The following CFI variants were observed in gnomAD, a reference collection of about 807,000 sequenced individuals.
CFI encodes C3B/C4B inactivator.
In CFI, 66 loss-of-function variants were observed where a neutral mutation model predicts 78.8. The ratio of observed to expected loss-of-function variants is 0.84; its 90% CI spans 0.69 to 1.03. The LOEUF is 1.03. CFI is among the 50% of genes least tolerant of loss of function. The probability of loss-of-function intolerance (pLI) is 0.00; values close to 1 mark genes in which losing one functional copy is unlikely to be tolerated. For missense variants in CFI, 706 were observed against 704.5 expected, an observed-to-expected ratio of 1.00 and a Z score of -0.02; for synonymous variants, 250 against 232.6, an observed-to-expected ratio of 1.07 and a Z score of -0.68.
At chr4:109,800,929 A>T (rs1732706526) in intron 1 of CFI, among the ~76,000 whole-genome samples, 1 of 152,166 alleles carries the variant, frequency 6.6e-6, no homozygotes, top group East Asian at 1.9e-4. Context: ...GCATTTAGTT[A>T]TTTCCATTTA....
At chr4:109,759,660 T>C (rs905015784) in intron 6 of CFI, among the ~76,000 whole-genome samples, 10 of 152,144 alleles carry the variant, frequency 6.6e-5, no homozygotes, top group Admixed American at 6.5e-4. Context: ...CCCAGCACTT[T>C]GGGAGGCCAA....
intron 1 of CFI, among the ~76,000 whole-genome samples, chr4:109,768,642 C>A (rs145350637): frequency 6.6e-6 from 1 of 152,202 alleles, no homozygotes; most frequent in African/African-American, 2.4e-5. Flanking sequence ...CCAATGCTGT[C>A]TCCCTGTCCC....
chr4:109,756,959 A>AAGAG (rs1381498908), intron 7 of CFI, among the ~76,000 whole-genome samples: 2 of 140,146 alleles, frequency 1.4e-5, no homozygotes, highest in Admixed American at 1.4e-4. Context: ...GAAAGAAAGA[A>AAGAG]AGAAAGAAAG....
At chr4:109,748,414 G>C (rs1013976553) in intron 10 of CFI, among the ~76,000 whole-genome samples, 1 of 152,140 alleles carries the variant, frequency 6.6e-6, no homozygotes, top group Non-Finnish European at 1.5e-5. Flanking sequence ...TCATCACACT[G>C]ATGAAAATAA....
In CFI at chr4:109,766,827, G is replaced by A. The variant is rs747545696; in HGVS notation, c.58-3C>T. ...TCCTCTTGAGATGTATAAGTGACCT[G>A]TAAAATGCAAAATAAACATTAACTT... is the stretch of plus-strand genomic sequence containing the variant. On this transcript the variant is annotated splice_region_variant and splice_polypyrimidine_tract_variant and intron_variant, in intron 1 of 12. Coordinates refer to ENST00000394634, the MANE Select transcript of CFI (RefSeq NM_000204.5). The A allele has an allele frequency of 1.9e-6, 3 of 1,613,820 alleles. No homozygotes were observed. In the South Asian group the frequency reaches 3.3e-5, roughly 18 times the overall value.
chr4:109,740,795 AT>A lies in CFI; in HGVS notation c.*97del, dbSNP rs763444641. Reference sequence around the variant, plus strand: ...AAAAATATCCAGTGAGATTTGCTTCATTTTTCCCCCCTAGAGAATTATTAAT... The same window carrying A: ...AAAAATATCCAGTGAGATTTGCTTCATTTTCCCCCCTAGAGAATTATTAAT... On this transcript the variant is annotated 3_prime_UTR_variant, in exon 13 of 13. Coordinates refer to ENST00000394634, the MANE Select transcript of CFI (RefSeq NM_000204.5). 12 of 1,168,656 alleles carry A rather than the reference AT, an allele frequency of 1.0e-5. No individual in the cohort carries two copies. Among genetic ancestry groups the A allele is most frequent in the East Asian group, 4.8e-5 (2 of 41,812 alleles). The allele number at this position is 1,168,656 out of a possible 1,614,324, so 72.4% of individuals were successfully genotyped here.
intron 1 of CFI, among the ~76,000 whole-genome samples, chr4:109,768,261 AC>A (rs1162937539): frequency 8.5e-6 from 1 of 118,120 alleles, no homozygotes; most frequent in Non-Finnish European, 1.7e-5. Context: ...GTGCACATGC[AC>A]CTAAAACTTA....
chr4:109,738,660 T>A (rs1723520254), downstream of CFI, among the ~76,000 whole-genome samples: 1 of 152,142 alleles, frequency 6.6e-6, no homozygotes, highest in Admixed American at 6.6e-5. Context: ...GGGAGGCTCA[T>A]CGGCTGCTAT....
At position 109,745,152 on chromosome 4, in the gene CFI, A is replaced by G. The variant is rs77254443; in HGVS notation, c.1429+1070T>C. Among the ~76,000 whole-genome samples the G allele has an allele frequency of 6.8e-3, 1,035 of 152,288 alleles. 10 individuals are homozygous for G. Among genetic ancestry groups the G allele is most frequent in the African/African-American group, 0.023 (975 of 41,554 alleles). On this transcript the variant is annotated intron_variant, in intron 11 of 12. Coordinates refer to ENST00000394634, the MANE Select transcript of CFI (RefSeq NM_000204.5). ...ATTTAAGATGTTGAAAGGAAGCTAAATTTTAAGGTTAAATCTTCCTTTTTT... is the reference window on the plus strand; with the variant it reads ...ATTTAAGATGTTGAAAGGAAGCTAAGTTTTAAGGTTAAATCTTCCTTTTTT...
chr4:109,752,398 T>C, intron 8 of CFI, 70 bp downstream of exon 8: 1 of 1,330,920 alleles, frequency 7.5e-7, no homozygotes, highest in Non-Finnish European at 1.1e-6. Flanking sequence ...CAATTATATA[T>C]ATGCAAATGA....
rs936140806 is a variant in CFI, at chr4:109,775,588, C to T, written c.58-8764G>A. Among the ~76,000 whole-genome samples the T allele has an allele frequency of 4.6e-5, 7 of 152,322 alleles. No homozygotes were observed. The East Asian group carries it at 5.8e-4, about 13-fold the overall frequency. ...CCTCTGGGGGCAGGGCATAGCTGAACAAAAGGCAGCAGAAACTTCTGCAGA... is the reference window on the plus strand; with the variant it reads ...CCTCTGGGGGCAGGGCATAGCTGAATAAAAGGCAGCAGAAACTTCTGCAGA... On this transcript the variant is annotated intron_variant, in intron 1 of 12. Transcript: ENST00000394634.
At chr4:109,746,147 A>T in intron 11 of CFI, 75 bp downstream of exon 11, 1 of 1,517,300 alleles carries the variant, frequency 6.6e-7, no homozygotes, top group Non-Finnish European at 9.1e-7. Context: ...GTGCTAGGAA[A>T]TTAGCTCCTA....
intron 10 of CFI, among the ~76,000 whole-genome samples, chr4:109,747,755 G>A (rs552817157): frequency 6.6e-6 from 1 of 152,266 alleles, no homozygotes; most frequent in South Asian, 2.1e-4. Context: ...GACAGGTTTT[G>A]TGGAAGACAA....
Position 109,749,227 on chromosome 4 carries a change from T to C in CFI, c.1139A>G (p.His380Arg), listed in dbSNP as rs1339444612. Reference sequence around the variant, plus strand: ...TGAAGACATCTTTTACCTGAGACAATGTGCAGCAGTCAGAATCCAACAGCC... The same window carrying C: ...TGAAGACATCTTTTACCTGAGACAACGTGCAGCAGTCAGAATCCAACAGCC... ...IGGCWILTAA[H>R]CLRASKTHRY... Residue 380 changes from histidine to arginine, a missense_variant, in exon 10 of 13, where the codon CAT (histidine) becomes CGT (arginine). Transcript: ENST00000394634. 6.2e-7 allele frequency: 1 copy of C among 1,613,858 alleles called. No individual in the cohort carries two copies. Among genetic ancestry groups the C allele is most frequent in the Admixed American group, 1.7e-5 (1 of 60,024 alleles).
chr4:109,770,620 T>A, intron 1 of CFI, among the ~76,000 whole-genome samples: 1 of 134,006 alleles, frequency 7.5e-6, no homozygotes, highest in East Asian at 2.1e-4. Flanking sequence ...CATGAAAATA[T>A]GAACACAGAC....
chr4:109,771,812 G>A (rs1361728722), intron 1 of CFI, among the ~76,000 whole-genome samples: 2 of 150,702 alleles, frequency 1.3e-5, no homozygotes, highest in African/African-American at 4.9e-5. Context: ...AAAGGGCCAC[G>A]GAGTAAAGAG....
intron 1 of CFI, among the ~76,000 whole-genome samples, chr4:109,796,250 C>T (rs1579323450): frequency 6.6e-6 from 1 of 151,832 alleles, no homozygotes; most frequent in Middle Eastern, 3.4e-3. Context: ...AACAAAAAAC[C>T]CCAAAACCAC....
At chr4:109,777,434 A>C (rs1729400491) in intron 1 of CFI, among the ~76,000 whole-genome samples, 1 of 152,234 alleles carries the variant, frequency 6.6e-6, no homozygotes, top group South Asian at 2.1e-4. Context: ...AGAGCTAACT[A>C]TCCTGAATAT....
At chr4:109,754,450 T>A (rs1165499086) in intron 7 of CFI, among the ~76,000 whole-genome samples, 2 of 149,954 alleles carry the variant, frequency 1.3e-5, no homozygotes, top group Non-Finnish European at 3.0e-5. Flanking sequence ...TTTTTTTAGA[T>A]TTTTTTCTTG....
Sources: allele counts gnomAD v4.1 joint callset (sites outside exome capture counted in the v4.1 genomes callset), GRCh38; gene constraint gnomAD v4.1.1; transcripts MANE v1.5; gene names NCBI Gene and HGNC (gene_info 2026-07-23, HGNC 2026-07-21).